The following CPSF4L variants were observed in gnomAD, a reference collection of about 807,000 sequenced individuals.
CPSF4L encodes cleavage and polyadenylation specific factor 4 like.
Under a neutral mutation model 24.0 loss-of-function variants are expected in CPSF4L, and 18 were observed. That is an observed-to-expected ratio of 0.75 (90% CI 0.52 to 1.11). The LOEUF is 1.11. Ranked by LOEUF, CPSF4L falls within the 50% of genes least tolerant of loss-of-function variation. The pLI is 0.00. For missense variants in CPSF4L, 211 were observed against 221.8 expected (o/e 0.95, Z 0.31); for synonymous variants, 72 against 77.2 (o/e 0.93, Z 0.35).
downstream of CPSF4L, among the ~76,000 whole-genome samples, chr17:73,246,538 A>C (rs960384817): frequency 2.6e-5 from 4 of 152,176 alleles, no homozygotes; most frequent in African/African-American, 9.7e-5. Flanking sequence ...CCTTGTCTCA[A>C]AAATCCCAAA....
upstream of CPSF4L, among the ~76,000 whole-genome samples, chr17:73,262,738 A>T (rs1170514034): frequency 6.6e-6 from 1 of 152,178 alleles, no homozygotes; most frequent in Non-Finnish European, 1.5e-5. Flanking sequence ...CTTGCCTCTA[A>T]CTAGAGCTGC....
intron 5 of CPSF4L, chr17:73,251,137 T>C (rs1334920190): frequency 6.6e-7 from 1 of 1,513,260 alleles, no homozygotes; most frequent in Non-Finnish European, 8.9e-7. Context: ...AAACACCTAC[T>C]GCAGATAGTC....
intron 1 of CPSF4L, among the ~76,000 whole-genome samples, chr17:73,261,291 C>T (rs1384517527): frequency 2.6e-5 from 4 of 152,232 alleles, no homozygotes; most frequent in South Asian, 4.1e-4. Flanking sequence ...AAATGGGTTG[C>T]CCCGAAGCCA....
At chr17:73,248,310 G>A (rs915044937), downstream of CPSF4L, 5 of 604,888 alleles carry the variant, frequency 8.3e-6, no homozygotes, top group South Asian at 8.0e-5. Context: ...CAGGTGTGAG[G>A]CGGGGTAACT....
chr17:73,245,722 TG>T (rs2061941080), downstream of CPSF4L: 1 of 985,304 alleles, frequency 1.0e-6, no homozygotes, highest in African/African-American at 1.7e-5. Context: ...GCATTCGAGT[TG>T]CAGGTAAGCC....
At chr17:73,261,372 G>A (rs2062044510) in intron 1 of CPSF4L, among the ~76,000 whole-genome samples, 1 of 152,164 alleles carries the variant, frequency 6.6e-6, no homozygotes, top group Non-Finnish European at 1.5e-5. Flanking sequence ...AGAAGGAAGG[G>A]GGAGGGAGGC....
intron 4 of CPSF4L, among the ~76,000 whole-genome samples, chr17:73,253,639 T>C (rs1180346907): frequency 6.6e-6 from 1 of 152,256 alleles, no homozygotes; most frequent in Admixed American, 6.5e-5. Flanking sequence ...CCTATGGGCC[T>C]GACCCTGTGT....
At chr17:73,254,565 A>G (rs1009514268) in intron 3 of CPSF4L, among the ~76,000 whole-genome samples, 12 of 152,172 alleles carry the variant, frequency 7.9e-5, no homozygotes, top group African/African-American at 2.7e-4. Flanking sequence ...TCATCTCTCT[A>G]TGGATTAGAC....
chr17:73,262,527 A>G (rs542542607), upstream of CPSF4L, among the ~76,000 whole-genome samples: 1 of 152,374 alleles, frequency 6.6e-6, no homozygotes, highest in Admixed American at 6.5e-5. Flanking sequence ...CCTCCCAGCC[A>G]GGATTCCACA....
chr17:73,252,422 C>T (rs1187467927), intron 5 of CPSF4L, among the ~76,000 whole-genome samples: 1 of 152,218 alleles, frequency 6.6e-6, no homozygotes, highest in East Asian at 1.9e-4. Context: ...AGATCGACAC[C>T]TATCCCCAGC....
At chr17:73,257,089 T>C (rs1046687661) in intron 3 of CPSF4L, among the ~76,000 whole-genome samples, 8 of 152,208 alleles carry the variant, frequency 5.3e-5, no homozygotes, top group Admixed American at 3.3e-4. Flanking sequence ...GGAGGTAAGA[T>C]GCTGGTCCAG....
intron 4 of CPSF4L, 134 bp downstream of exon 4, chr17:73,253,797 G>A (rs2145277310): frequency 3.4e-6 from 2 of 588,262 alleles, no homozygotes; most frequent in South Asian, 2.2e-5. Context: ...AGAGCTGGAG[G>A]AGAACTACAG....
chr17:73,260,048 G>A (rs982556507), intron 2 of CPSF4L, among the ~76,000 whole-genome samples: 1 of 152,122 alleles, frequency 6.6e-6, no homozygotes, highest in East Asian at 1.9e-4. Context: ...TGGGGAGAGG[G>A]GCCTAGGAAG....
Position 73,253,965 on chromosome 17 carries a change from G to A in CPSF4L, c.369C>T (p.Asp123=). The stretch of plus-strand genomic sequence containing the variant: ...AGAAACCTTGGTCATACCAAGGACA[G>A]TCCTGGGACTTGAAAGCTGGCTTCA... The part of the protein sequence containing the change: ...LHVKPAFKSQ[D]CPWYDQGFCK... The change falls in exon 4 of 6, where the codon GAC becomes GAT. Residue 123 remains aspartate (D), a synonymous_variant. Coordinates refer to ENST00000344935, the MANE Select transcript of CPSF4L (RefSeq NM_001129885.1). The A allele has an allele frequency of 6.4e-7, 1 of 1,551,718 alleles. No homozygotes were observed.
chr17:73,251,089 G>A (rs1462516571), intron 5 of CPSF4L: 4 of 1,546,618 alleles, frequency 2.6e-6, no homozygotes, highest in East Asian at 4.9e-5. Context: ...GAATCCCGGG[G>A]CCGGCTGGCA....
At chr17:73,261,395 C>T (rs564262607) in intron 1 of CPSF4L, among the ~76,000 whole-genome samples, 12 of 152,322 alleles carry the variant, frequency 7.9e-5, no homozygotes, top group South Asian at 6.2e-4. Flanking sequence ...GGCGTGGTGG[C>T]TCATGCCTGT....
At position 73,261,744 on chromosome 17, in the gene CPSF4L, A is replaced by G; in HGVS notation, c.75T>C (p.Thr25=). ...CCATGCCCTGGAAAGGCAGGAGCCC[A>G]GTGCCCTTCTGCATCTCGACATCCT... ...FEKDVEMQKG[T]GLLPFQGMDK... is the part of the protein sequence containing the mutation. The change falls in exon 1 of 6, where the codon ACT becomes ACC. Residue 25 remains threonine (T), a synonymous_variant. Transcript: ENST00000344935. 2 of 1,551,674 alleles carry G rather than the reference A, an allele frequency of 1.3e-6. No homozygotes were observed. Among genetic ancestry groups the G allele is most frequent in the Non-Finnish European group, 1.7e-6 (2 of 1,146,894 alleles).
upstream of CPSF4L, among the ~76,000 whole-genome samples, chr17:73,263,045 C>G (rs1475597574): frequency 6.6e-6 from 1 of 152,174 alleles, no homozygotes; most frequent in East Asian, 1.9e-4. Context: ...TGACTGCATC[C>G]TGGGAGAGGC....
chr17:73,248,054 A>C (rs1254170684), downstream of CPSF4L: 3 of 159,044 alleles, frequency 1.9e-5, no homozygotes, highest in African/African-American at 7.2e-5. Context: ...TCTGAGATTT[A>C]GATCTAAACA....
Sources: allele counts gnomAD v4.1 joint callset (sites outside exome capture counted in the v4.1 genomes callset), GRCh38; gene constraint gnomAD v4.1.1; transcripts MANE v1.5; gene names NCBI Gene and HGNC (gene_info 2026-07-23, HGNC 2026-07-21).